TASOR: variants seen among roughly 807,000 people sequenced by gnomAD.
The protein encoded by TASOR is transcription activation suppressor, also known as protein TASOR.
A neutral mutation model predicts 178.6 loss-of-function variants in TASOR; 53 were observed. The observed-to-expected ratio is 0.30, with a 90% CI of 0.24 to 0.37. The LOEUF (loss-of-function observed/expected upper bound fraction) is 0.37, where lower values mean the gene tolerates loss of function less well. Ranked by LOEUF, TASOR falls within the 10% of genes least tolerant of loss-of-function variation. The pLI, the probability that TASOR is intolerant of heterozygous loss-of-function variation, is 1.00. For synonymous variants in TASOR, 713 were observed against 696.2 expected (o/e 1.02, Z -0.38); for missense variants, 1,815 against 1,971.4 (o/e 0.92, Z 1.50).
chr3:56,652,030 A>G (rs2077363110), intron 11 of TASOR, among the ~76,000 whole-genome samples: 1 of 151,768 alleles, frequency 6.6e-6, no homozygotes, highest in Non-Finnish European at 1.5e-5. Context: ...ATATGCTACA[A>G]CATCAATGAG....
At position 56,636,071 on chromosome 3, in the gene TASOR, A is replaced by T. The variant is rs565979090; in HGVS notation, c.2825-2105T>A. On this transcript the variant is annotated intron_variant, in intron 17 of 23. Transcript: ENST00000683822. Reference sequence around the variant, plus strand: ...GTAATCCCAGCACTTTGGGAGGCCAAGGCAGGCAGATCACCTGAGGTCAGG... The same window carrying T: ...GTAATCCCAGCACTTTGGGAGGCCATGGCAGGCAGATCACCTGAGGTCAGG... Among the ~76,000 whole-genome samples the T allele has an allele frequency of 2.0e-5, 3 of 152,268 alleles. No homozygotes were observed. In the East Asian group the frequency reaches 5.8e-4, roughly 29 times the overall value.
rs912871429 is a variant in TASOR at position 56,623,495 on chromosome 3, C to G, written c.4555G>C (p.Glu1519Gln). 1.2e-6 allele frequency: 2 copies of G among 1,612,438 alleles called. No homozygotes were observed. The highest frequency in any genetic ancestry group is 1.7e-5 in the Admixed American group (1 of 59,926). Residue 1519 changes from glutamate (E) to glutamine (Q), a missense_variant, in exon 24 of 24, where the codon GAA (glutamate) becomes CAA (glutamine). Coordinates refer to ENST00000683822, the MANE Select transcript of TASOR (RefSeq NM_001365635.2). ...LDSGDEISHI[E>Q]VCSNFHSEIW... Reference sequence around the variant, plus strand: ...TCTGAATGAAAATTGCTGCATACTTCTATATGTGAGATTTCATCCCCTGAA... The same window carrying G: ...TCTGAATGAAAATTGCTGCATACTTGTATATGTGAGATTTCATCCCCTGAA...
Position 56,662,497 on chromosome 3 carries a change from A to C in TASOR, c.1055-7T>G, listed in dbSNP as rs1007911614. ...AAGGTATAGTTATATTTATCTAAATAAAAAGAATATAATGACACAGCTTAG... is the reference window on the plus strand; with the variant it reads ...AAGGTATAGTTATATTTATCTAAATCAAAAGAATATAATGACACAGCTTAG... On this transcript the variant is annotated splice_polypyrimidine_tract_variant and splice_region_variant and intron_variant, in intron 8 of 23. Coordinates refer to ENST00000683822, the MANE Select transcript of TASOR (RefSeq NM_001365635.2). 3 of 1,388,132 alleles carry C rather than the reference A, an allele frequency of 2.2e-6. No individual in the cohort carries two copies. The African/African-American group carries it at 4.4e-5, about 20-fold the overall frequency. The allele number at this position is 1,388,132 out of a possible 1,614,324, so 86.0% of individuals were successfully genotyped here.
At chr3:56,653,983 T>C (rs929545334) in intron 11 of TASOR, among the ~76,000 whole-genome samples, 8 of 152,148 alleles carry the variant, frequency 5.3e-5, no homozygotes, top group African/African-American at 1.9e-4. Flanking sequence ...AAAGTAAAAG[T>C]TGGCCAGGCT....
chr3:56,668,358 G>A (rs372188526), intron 6 of TASOR, 39 bp downstream of exon 6: 3 of 1,537,666 alleles, frequency 2.0e-6, no homozygotes, highest in Non-Finnish European at 8.8e-7. Context: ...TAACAAACAG[G>A]TATGAGATCA....
Position 56,683,159 on chromosome 3 carries a change from C to T in TASOR, c.-153G>A. 1 of 805,542 alleles carries T rather than the reference C, an allele frequency of 1.2e-6. No homozygotes were observed. The allele number at this position is 805,542 out of a possible 1,614,324, so 49.9% of individuals were successfully genotyped here. ...CAGGCTGCGCTCCCGACCTGGCAGC[C>T]TCTTGGGGGGCCCTGTAGCGGGCAC... On this transcript the variant is annotated 5_prime_UTR_variant, in exon 1 of 24. Transcript: ENST00000683822.
chr3:56,662,949 C>A (rs968181091), intron 8 of TASOR, among the ~76,000 whole-genome samples: 14 of 152,032 alleles, frequency 9.2e-5, no homozygotes, highest in African/African-American at 3.1e-4. Flanking sequence ...GAGGCCGAGG[C>A]GGGTGGATCA....
intron 12 of TASOR, 32 bp downstream of exon 12, chr3:56,648,953 T>C (rs780411487): frequency 1.3e-6 from 2 of 1,597,288 alleles, no homozygotes; most frequent in East Asian, 2.2e-5. Flanking sequence ...TAAGAAAGAA[T>C]TGTAAAAATT....
At chr3:56,670,044 T>C (rs1283861044) in intron 4 of TASOR, 29 bp downstream of exon 4, 1 of 1,382,150 alleles carries the variant, frequency 7.2e-7, no homozygotes, top group Non-Finnish European at 9.9e-7. Flanking sequence ...TAGTAGTAGA[T>C]ATTTATATTT....
chr3:56,625,226 C>G (rs1298455774), intron 21 of TASOR, among the ~76,000 whole-genome samples: 1 of 152,248 alleles, frequency 6.6e-6, no homozygotes, highest in Non-Finnish European at 1.5e-5. Context: ...GCCAGCTATA[C>G]AGCTTAGGCT....
intron 9 of TASOR, 95 bp downstream of exon 9, chr3:56,662,290 C>A (rs1338020221): frequency 9.9e-6 from 7 of 707,878 alleles, no homozygotes; most frequent in East Asian, 8.5e-5. Context: ...TTCTTATGAA[C>A]CAAAATAAAA....
intron 19 of TASOR, among the ~76,000 whole-genome samples, 170 bp from the exon 20 acceptor site, chr3:56,627,911 T>G (rs1211064403): frequency 6.6e-6 from 1 of 152,178 alleles, no homozygotes; most frequent in African/African-American, 2.4e-5. Context: ...TTTCCCAATA[T>G]ATAAACCAAC....
intron 11 of TASOR, among the ~76,000 whole-genome samples, chr3:56,659,114 C>CTGAT (rs1377257150): frequency 6.6e-6 from 1 of 152,070 alleles, no homozygotes; most frequent in African/African-American, 2.4e-5. Flanking sequence ...AAACAACAGA[C>CTGAT]TGATTAAGCA....
chr3:56,681,270 CTT>C (rs2031762045), intron 1 of TASOR, among the ~76,000 whole-genome samples: 1 of 152,150 alleles, frequency 6.6e-6, no homozygotes, highest in Admixed American at 6.6e-5. Flanking sequence ...ACACTGGGAA[CTT>C]TTCTCATACA....
At chr3:56,658,642 C>T (rs551701701) in intron 11 of TASOR, among the ~76,000 whole-genome samples, 3 of 152,260 alleles carry the variant, frequency 2.0e-5, no homozygotes, top group Non-Finnish European at 2.9e-5. Flanking sequence ...AAGGGCCAGG[C>T]GCGGTGGCTC....
intron 18 of TASOR, among the ~76,000 whole-genome samples, chr3:56,629,943 A>C (rs1041539437): frequency 2.1e-4 from 31 of 150,556 alleles, no homozygotes; most frequent in Admixed American, 7.3e-4. Context: ...GAAAAGGTAA[A>C]TTACCATCTG....
At chr3:56,649,449 T>C (rs576387197) in intron 11 of TASOR, among the ~76,000 whole-genome samples, 1 of 152,352 alleles carries the variant, frequency 6.6e-6, no homozygotes, top group East Asian at 1.9e-4. Context: ...TTTGAAACAC[T>C]GCGTTGCAAG....
intron 3 of TASOR, 107 bp downstream of exon 3, chr3:56,671,493 T>C (rs941032969): frequency 1.4e-6 from 1 of 735,150 alleles, no homozygotes; most frequent in Non-Finnish European, 2.2e-6. Flanking sequence ...TCCACTTATA[T>C]ATCAAAAAAG....
At chr3:56,672,887 C>T (rs1036980097) in intron 2 of TASOR, among the ~76,000 whole-genome samples, 1 of 152,188 alleles carries the variant, frequency 6.6e-6, no homozygotes, top group Non-Finnish European at 1.5e-5. Context: ...AGTGCAGTGG[C>T]GCGATCTCAG....
Sources: allele counts gnomAD v4.1 joint callset (sites outside exome capture counted in the v4.1 genomes callset), GRCh38; gene constraint gnomAD v4.1.1; transcripts MANE v1.5; gene names NCBI Gene and HGNC (gene_info 2026-07-23, HGNC 2026-07-21).